The following SYTL5 variants were observed in gnomAD, a reference collection of about 807,000 sequenced individuals.
SYTL5 encodes synaptotagmin like 5.
In SYTL5, 34 loss-of-function variants were observed where a neutral mutation model predicts 55.9. That is an observed-to-expected ratio of 0.61 (90% CI 0.46 to 0.81). SYTL5 has a LOEUF of 0.81. SYTL5 is among the 30% of genes least tolerant of loss of function. The pLI is 0.00. For missense variants in SYTL5, 637 were observed against 546.7 expected (o/e 1.17, Z -1.65); for synonymous variants, 221 against 188.7 (o/e 1.17, Z -1.40).
At chrX:37,948,472 A>G in the SYTL5 span, among the ~76,000 whole-genome samples, 9 of 110,167 alleles carry the variant, frequency 8.2e-5, no homozygotes, top group Non-Finnish European at 1.5e-4. Context: ...TGCTTAAATT[A>G]TTTTTTGCAA....
At chrX:38,120,228 C>T (rs1271463903) in intron 13 of SYTL5, 130 bp from the exon 14 acceptor site, 19 of 472,006 alleles carry the variant, frequency 4.0e-5, no homozygotes, top group East Asian at 1.1e-4. Flanking sequence ...CCAGTGAGAG[C>T]GAACAGAGTT....
intron 12 of SYTL5, among the ~76,000 whole-genome samples, chrX:38,109,713 T>C (rs1208430229): frequency 9.2e-6 from 1 of 108,272 alleles, no homozygotes; most frequent in Non-Finnish European, 1.9e-5. Flanking sequence ...GGTGGTTGCA[T>C]AGAACAAGCA....
the SYTL5 span, among the ~76,000 whole-genome samples, chrX:37,905,597 G>A: frequency 2.4e-4 from 27 of 111,989 alleles, no homozygotes. Flanking sequence ...AAGGATGGCG[G>A]GGGTGGGGTC....
chrX:37,909,589 C>G, the SYTL5 span, among the ~76,000 whole-genome samples: 1 of 111,091 alleles, frequency 9.0e-6, no homozygotes, highest in African/African-American at 3.3e-5. Context: ...AGACTGGACA[C>G]CCCTGGAGTA....
chrX:38,071,823 G>A (rs1936272615), intron 3 of SYTL5, among the ~76,000 whole-genome samples: 2 of 112,029 alleles, frequency 1.8e-5, no homozygotes, highest in Non-Finnish European at 3.8e-5. Context: ...ACATAAGGTT[G>A]CTATGTGGAT....
rs144065441 is a variant in SYTL5 at position 38,012,410 on chromosome X, A to C, written c.-357+5742A>C. 1.9e-3 allele frequency among the ~76,000 whole-genome samples: 214 copies of C among 112,381 alleles called. 1 individual carries two copies. Among genetic ancestry groups the C allele is most frequent in the African/African-American group, 6.5e-3 (202 of 30,988 alleles). On this transcript the variant is annotated intron_variant, in intron 1 of 16. Transcript: ENST00000297875. ...CATTGATAATGTTTACTAAGAATGGAAGTGGTAGACTTTACCAGAAAATAT... is the reference window on the plus strand; with the variant it reads ...CATTGATAATGTTTACTAAGAATGGCAGTGGTAGACTTTACCAGAAAATAT...
intron 6 of SYTL5, among the ~76,000 whole-genome samples, chrX:38,077,103 C>G (rs1320907513): frequency 9.0e-6 from 1 of 111,530 alleles, no homozygotes; most frequent in Non-Finnish European, 1.9e-5. Context: ...TTTGAATTTC[C>G]TCAGAGACTT....
upstream of SYTL5, among the ~76,000 whole-genome samples, chrX:38,002,386 T>C (rs1343428372): frequency 8.9e-6 from 1 of 111,844 alleles, no homozygotes; most frequent in African/African-American, 3.3e-5. Context: ...TATCCAGTAA[T>C]GGGATGGCTG....
intron 1 of SYTL5, among the ~76,000 whole-genome samples, chrX:38,026,165 C>T (rs774354321): frequency 8.9e-6 from 1 of 112,512 alleles, no homozygotes; most frequent in South Asian, 3.7e-4. Flanking sequence ...CATTTTCATT[C>T]CCTTTCTCTA....
intron 3 of SYTL5, among the ~76,000 whole-genome samples, chrX:38,064,026 A>T (rs1001213249): frequency 9.1e-6 from 1 of 109,324 alleles, no homozygotes; most frequent in African/African-American, 3.4e-5. Flanking sequence ...ACATTAAAAA[A>T]AAGTGGAGTA....
the SYTL5 span, among the ~76,000 whole-genome samples, chrX:37,899,396 C>T: frequency 9.0e-6 from 1 of 111,295 alleles, no homozygotes; most frequent in Admixed American, 9.6e-5. Flanking sequence ...GATATTTCTT[C>T]TAACAGCCCT....
At position 38,086,812 on chromosome X, in the gene SYTL5, C is replaced by T. The variant is rs73467449; in HGVS notation, c.690-2634C>T. Among the ~76,000 whole-genome samples the T allele has an allele frequency of 2.0e-3, 218 of 111,746 alleles. 1 individual carries two copies. Among genetic ancestry groups the T allele is most frequent in the African/African-American group, 7.0e-3 (215 of 30,795 alleles). On this transcript the variant is annotated intron_variant, in intron 6 of 16. Coordinates refer to ENST00000297875, the MANE Select transcript of SYTL5 (RefSeq NM_138780.3). ...TGATAATATGCCTTATTAGACTAAA[C>T]CTTTTTTGAGTTTAATCAACTGGAA...
intron 6 of SYTL5, among the ~76,000 whole-genome samples, chrX:38,077,349 G>GA (rs1936417311): frequency 1.8e-5 from 2 of 111,575 alleles, no homozygotes; most frequent in East Asian, 5.6e-4. Context: ...CTAGCAATGA[G>GA]AAAAAAATAT....
At chrX:37,990,052 T>A in the SYTL5 span, among the ~76,000 whole-genome samples, 2 of 109,743 alleles carry the variant, frequency 1.8e-5, no homozygotes, top group Non-Finnish European at 3.8e-5. Flanking sequence ...ATTTTTATTT[T>A]TATTTTTATT....
At chrX:37,908,227 C>T in the SYTL5 span, among the ~76,000 whole-genome samples, 1 of 111,769 alleles carries the variant, frequency 8.9e-6, no homozygotes, top group East Asian at 2.8e-4. Flanking sequence ...GTCTTACCCT[C>T]ATGGCTTCAA....
chrX:38,009,567 T>C (rs1276308931), intron 1 of SYTL5, among the ~76,000 whole-genome samples: 1 of 112,010 alleles, frequency 8.9e-6, no homozygotes, highest in African/African-American at 3.2e-5. Context: ...ATAATGTATC[T>C]AGAAGCCATC....
intron 13 of SYTL5, among the ~76,000 whole-genome samples, chrX:38,117,384 A>G (rs1174773802): frequency 8.9e-6 from 1 of 111,869 alleles, no homozygotes; most frequent in Non-Finnish European, 1.9e-5. Flanking sequence ...CCAATAATGC[A>G]TGTTTTTGAT....
At chrX:38,051,600 A>T (rs916856074) in intron 2 of SYTL5, among the ~76,000 whole-genome samples, 1 of 111,683 alleles carries the variant, frequency 9.0e-6, no homozygotes, top group Non-Finnish European at 1.9e-5. Flanking sequence ...ACAGGGAAGG[A>T]ATAAAGGTTT....
At chrX:38,091,936 G>T (rs1182093978) in intron 7 of SYTL5, among the ~76,000 whole-genome samples, 1 of 111,686 alleles carries the variant, frequency 9.0e-6, no homozygotes, top group Non-Finnish European at 1.9e-5. Flanking sequence ...CATAGGCAGT[G>T]CCTATGCTGA....
Sources: gnomAD v4.1 joint callset for allele counts (sites outside exome capture counted in the v4.1 genomes callset) on GRCh38, gnomAD v4.1.1 for gene constraint, MANE v1.5 for transcripts, NCBI Gene and HGNC (gene_info 2026-07-23, HGNC 2026-07-21) for gene names.